Variants in REDIC1 observed in about 807,000 individuals in gnomAD.
REDIC1 encodes regulator of DNA class I crossover intermediates 1.
chr12:39,705,502 C>T, the REDIC1 span, among the ~76,000 whole-genome samples: 1 of 152,040 alleles, frequency 6.6e-6, no homozygotes, highest in Non-Finnish European at 1.5e-5. Context: ...CAGACAAAGA[C>T]ATCAAGAAAA....
the REDIC1 span, among the ~76,000 whole-genome samples, chr12:39,712,576 T>C: frequency 1.4e-5 from 2 of 144,564 alleles, no homozygotes; most frequent in Non-Finnish European, 1.5e-5. Flanking sequence ...CGTATATACG[T>C]ATATATGTAT....
chr12:39,882,675 G>A, the REDIC1 span, among the ~76,000 whole-genome samples: 5 of 151,918 alleles, frequency 3.3e-5, no homozygotes, highest in Non-Finnish European at 1.5e-5. Flanking sequence ...GTGCTCCCCT[G>A]CCTCATCACC....
chr12:39,663,228 T>C, the REDIC1 span, among the ~76,000 whole-genome samples: 1 of 152,022 alleles, frequency 6.6e-6, no homozygotes, highest in Non-Finnish European at 1.5e-5. Flanking sequence ...CAACTCTTAT[T>C]GTATTGGTGT....
At chr12:39,906,462 G>T in the REDIC1 span, among the ~76,000 whole-genome samples, 1 of 151,968 alleles carries the variant, frequency 6.6e-6, no homozygotes, top group African/African-American at 2.4e-5. Context: ...TGTTATCCAG[G>T]GGAAAGTTAC....
chr12:39,802,197 G>C, the REDIC1 span: 1 of 152,084 alleles, frequency 6.6e-6, no homozygotes, highest in South Asian at 2.1e-4. Context: ...TGCTCTGCTT[G>C]TACTGTCTTG....
chr12:39,805,387 G>C, the REDIC1 span, among the ~76,000 whole-genome samples: 5 of 152,108 alleles, frequency 3.3e-5, no homozygotes, highest in South Asian at 4.1e-4. Context: ...GCTGGAGCAG[G>C]TGTAAGAGGT....
the REDIC1 span, among the ~76,000 whole-genome samples, chr12:39,665,554 G>C: frequency 0.72 from 105,065 of 145,242 alleles, 39,116 homozygotes; most frequent in Non-Finnish European, 0.82. Flanking sequence ...TTGGCGATGC[G>C]GGCTCTTTTT....
chr12:39,741,704 G>T, the REDIC1 span, among the ~76,000 whole-genome samples: 3 of 152,156 alleles, frequency 2.0e-5, no homozygotes, highest in African/African-American at 7.2e-5. Context: ...GGTCTGCATT[G>T]GTTTGGCCTT....
chr12:39,781,021 T>C, the REDIC1 span, among the ~76,000 whole-genome samples: 1 of 152,124 alleles, frequency 6.6e-6, no homozygotes, highest in East Asian at 1.9e-4. Flanking sequence ...AGTTTCACAA[T>C]ATTTCATCTC....
At chr12:39,895,661 T>C in the REDIC1 span, among the ~76,000 whole-genome samples, 3 of 149,044 alleles carry the variant, frequency 2.0e-5, no homozygotes, top group Admixed American at 6.8e-5. Context: ...TACACACATA[T>C]GTATATGCGT....
At chr12:39,692,384 C>T in the REDIC1 span, among the ~76,000 whole-genome samples, 6 of 151,822 alleles carry the variant, frequency 4.0e-5, no homozygotes, top group Non-Finnish European at 8.8e-5. Flanking sequence ...ATACATAATA[C>T]TTTTGAAGAT....
the REDIC1 span, among the ~76,000 whole-genome samples, chr12:39,682,172 T>C: frequency 1.6e-4 from 25 of 152,302 alleles, no homozygotes; most frequent in Admixed American, 4.6e-4. Flanking sequence ...TTGAAAAATA[T>C]GTTATAATGG....
chr12:39,771,908 C>T, the REDIC1 span, among the ~76,000 whole-genome samples: 7 of 152,100 alleles, frequency 4.6e-5, no homozygotes, highest in Admixed American at 3.9e-4. Flanking sequence ...ACAGTCTAGA[C>T]CCAGTATCTC....
At chr12:39,674,041 G>A in the REDIC1 span, among the ~76,000 whole-genome samples, 21 of 152,090 alleles carry the variant, frequency 1.4e-4, no homozygotes, top group Non-Finnish European at 5.9e-5. Flanking sequence ...TGTTTAACAA[G>A]TTGGACTTAC....
the REDIC1 span, among the ~76,000 whole-genome samples, chr12:39,834,787 A>C: frequency 2.0e-5 from 3 of 152,078 alleles, no homozygotes; most frequent in Non-Finnish European, 2.9e-5. Flanking sequence ...TTTTCATCAT[A>C]TAGACTATTT....
the REDIC1 span, among the ~76,000 whole-genome samples, chr12:39,772,142 A>C: frequency 6.6e-6 from 1 of 152,100 alleles, no homozygotes; most frequent in Non-Finnish European, 1.5e-5. Context: ...TCCTTCTTCT[A>C]CGGTACTGAG....
At chr12:39,851,927 A>C in the REDIC1 span, among the ~76,000 whole-genome samples, 1 of 152,210 alleles carries the variant, frequency 6.6e-6, no homozygotes, top group Admixed American at 6.5e-5. Flanking sequence ...TCTTTTGTAC[A>C]AACTGAAACT....
At chr12:39,682,423 A>G in the REDIC1 span, among the ~76,000 whole-genome samples, 120,456 of 151,974 alleles carry the variant, frequency 0.79, 48,478 homozygotes, top group Non-Finnish European at 0.87. Flanking sequence ...TCAATAAGTC[A>G]TTAGAAGACC....
At chr12:39,662,105 C>G in the REDIC1 span, among the ~76,000 whole-genome samples, 3 of 151,992 alleles carry the variant, frequency 2.0e-5, no homozygotes, top group Non-Finnish European at 4.4e-5. Flanking sequence ...GTTCTTTTTG[C>G]TCAGGATTGC....
Sources: allele counts gnomAD v4.1 joint callset (sites outside exome capture counted in the v4.1 genomes callset), GRCh38; gene constraint gnomAD v4.1.1; transcripts MANE v1.5; gene names NCBI Gene and HGNC (gene_info 2026-07-23, HGNC 2026-07-21).